The following EOLA1 variants were observed in gnomAD, a reference collection of about 807,000 sequenced individuals.
EOLA1 encodes protein EOLA1.
Under a neutral mutation model 4.5 loss-of-function variants are expected in EOLA1, and 1 was observed. The ratio of observed to expected loss-of-function variants is 0.22; its 90% CI spans 0.08 to 1.05. The LOEUF is 1.05. Ranked by LOEUF, EOLA1 falls within the 50% of genes least tolerant of loss-of-function variation. The pLI, the probability that EOLA1 is intolerant of heterozygous loss-of-function variation, is 0.57. For missense variants in EOLA1, 69 were observed against 127.2 expected (o/e 0.54, Z 2.20); for synonymous variants, 37 against 52.3 (o/e 0.71, Z 1.26).
At chrX:149,546,139 C>T (rs1412181427) in intron 4 of EOLA1, among the ~76,000 whole-genome samples, 1 of 108,851 alleles carries the variant, frequency 9.2e-6, no homozygotes, top group Non-Finnish European at 1.9e-5. Flanking sequence ...GAAGCCTGGT[C>T]AGGGCCATGT....
intron 1 of EOLA1, 163 bp from the exon 2 acceptor site, chrX:149,541,856 G>A: frequency 4.3e-6 from 3 of 693,528 alleles, no homozygotes; most frequent in Non-Finnish European, 5.2e-6. Context: ...GTGATTAGCA[G>A]AACCAAACTG....
At chrX:149,541,929 C>T (rs2089737352) in intron 1 of EOLA1, 90 bp from the exon 2 acceptor site, 3 of 606,175 alleles carry the variant, frequency 4.9e-6, no homozygotes, top group Non-Finnish European at 6.0e-6. Flanking sequence ...TTTCCAATGC[C>T]TGCTAAGTAC....
chrX:149,543,430 G>A (rs2089768132), intron 2 of EOLA1, among the ~76,000 whole-genome samples: 1 of 88,450 alleles, frequency 1.1e-5, no homozygotes, highest in Admixed American at 1.2e-4. Context: ...TAATCTCATT[G>A]TCCCTGTACC....
chrX:149,546,950 G>A lies in EOLA1; in HGVS notation c.465G>A (p.Gly155=), dbSNP rs2089861850. Residue 155 remains glycine (G), a synonymous_variant, in exon 5 of 5, where the codon GGG becomes GGA. Coordinates refer to ENST00000393985, the MANE Select transcript of EOLA1 (RefSeq NM_001171907.3). ...TCCCAGAGCACCTGATCCCTTTGGG[G>A]CATGAAGTGTGACAAGTGTGGGCTC... ...VDIPEHLIPL[G]HEV is the part of the protein sequence containing the mutation. The A allele has an allele frequency of 1.7e-6, 2 of 1,202,535 alleles. No individual in the cohort carries two copies. The highest frequency in any genetic ancestry group is 2.2e-6 in the Non-Finnish European group (2 of 892,032).
chrX:149,542,302 A>G (rs1233909399), intron 2 of EOLA1, among the ~76,000 whole-genome samples: 2 of 111,344 alleles, frequency 1.8e-5, no homozygotes. Context: ...AGCCTCCATC[A>G]GAAGTAATCC....
intron 2 of EOLA1, chrX:149,544,520 A>C (rs610361): frequency 2.4e-4 from 180 of 749,584 alleles, no homozygotes; most frequent in Non-Finnish European, 2.7e-4. Context: ...TGACTGTTCT[A>C]TTAGGTGCCA....
At chrX:149,554,117 T>TCTC (rs2089915315), downstream of EOLA1, among the ~76,000 whole-genome samples, 4 of 53,195 alleles carry the variant, frequency 7.5e-5, no homozygotes, top group Admixed American at 4.9e-4. Flanking sequence ...GAGGGGAGGG[T>TCTC]GCCTTGTTGA....
intron 2 of EOLA1, 68 bp downstream of exon 2, chrX:149,542,153 C>T: frequency 2.4e-6 from 1 of 409,148 alleles, no homozygotes. Context: ...ATTCCACATA[C>T]ACACAGTTGG....
chrX:149,545,427 G>A lies in EOLA1; in HGVS notation c.-103G>A, dbSNP rs2089821779. The A allele has an allele frequency of 9.2e-6, 10 of 1,082,950 alleles. No individual in the cohort carries two copies. The highest frequency in any genetic ancestry group is 4.8e-5 in the South Asian group (2 of 41,601). The allele number at this position is 1,082,950 out of a possible 1,213,427, so 89.2% of individuals were successfully genotyped here. A position where few individuals can be genotyped will look rare whatever the true frequency, so the allele number is the denominator to read the frequency against. On this transcript the variant is annotated 5_prime_UTR_variant, in exon 3 of 5. Coordinates refer to ENST00000393985, the MANE Select transcript of EOLA1 (RefSeq NM_001171907.3). ...TCCATGGGATGGACCTGAGTCAGCC[G>A]AATCCCAGCCCCTTCCCTTGGGCCT... is the stretch of plus-strand genomic sequence containing the variant.
At chrX:149,544,640 G>C (rs1403370420) in intron 2 of EOLA1, 2 of 753,477 alleles carry the variant, frequency 2.7e-6, no homozygotes, top group African/African-American at 2.3e-5. Context: ...TTCGAGCCCA[G>C]GGTTCCTTCC....
At chrX:149,545,146 G>A (rs1181403968) in intron 2 of EOLA1, 3 of 388,234 alleles carry the variant, frequency 7.7e-6, no homozygotes, top group South Asian at 1.2e-4. Context: ...CCTTGGTGGC[G>A]GCAGGGCCAG....
In EOLA1 at chrX:149,547,002, G is replaced by A. The variant is rs1557348068; in HGVS notation, c.*40G>A. 6.6e-6 allele frequency: 8 copies of A among 1,206,701 alleles called. No individual in the cohort carries two copies. The highest frequency in any genetic ancestry group is 7.8e-6 in the Non-Finnish European group (7 of 892,156). On this transcript the variant is annotated 3_prime_UTR_variant, in exon 5 of 5. Coordinates refer to ENST00000393985, the MANE Select transcript of EOLA1 (RefSeq NM_001171907.3). Reference sequence around the variant, plus strand: ...TGAAAGGAATGTTCCAGAGAAACCAGCTAAATCATGACACCTTCAATTTGC... The same window carrying A: ...TGAAAGGAATGTTCCAGAGAAACCAACTAAATCATGACACCTTCAATTTGC...
Position 149,546,788 on chromosome X carries a change from C to T in EOLA1, c.303C>T (p.Pro101=), listed in dbSNP as rs782752836. The part of the protein sequence containing the change: ...ETLQCPEDLT[P]DEVVELENQA... ...TGCAATGCCCCGAAGACTTAACTCC[C>T]GATGAGGTTGTGGAACTAGAAAATC... The change falls in exon 5 of 5, where the codon CCC becomes CCT. Residue 101 remains proline, a synonymous_variant. Transcript: ENST00000393985. The T allele has an allele frequency of 4.1e-5, 49 of 1,207,776 alleles. No homozygotes were observed. The highest frequency in any genetic ancestry group is 5.3e-5 in the Non-Finnish European group (47 of 894,585).
At chrX:149,548,383 G>A, downstream of EOLA1, 2 of 933,599 alleles carry the variant, frequency 2.1e-6, no homozygotes, top group South Asian at 1.2e-4. Flanking sequence ...TGTAATCTGA[G>A]GAGCCTTCCT....
Position 149,544,477 on chromosome X carries a change from A to C in EOLA1, c.-162-891A>C, listed in dbSNP as rs1266741889. 27 of 744,525 alleles carry C rather than the reference A, an allele frequency of 3.6e-5. 1 individual carries two copies. The African/African-American group carries it at 6.2e-4, about 17-fold the overall frequency. 61.4% of individuals were successfully genotyped at this position (744,525 alleles called of 1,213,427 possible). ...GGAGTTCAGGGCCGGGGGCGGGGCC[A>C]CGGGCCTGAGGGGTGAGGGCAGCCA... On this transcript the variant is annotated intron_variant, in intron 2 of 4. Coordinates refer to ENST00000393985, the MANE Select transcript of EOLA1 (RefSeq NM_001171907.3).
downstream of EOLA1, chrX:149,548,339 G>A: frequency 1.1e-6 from 1 of 931,883 alleles, no homozygotes; most frequent in Non-Finnish European, 1.3e-6. Flanking sequence ...TCACGAATTT[G>A]CAGTGTTTCT....
rs1303801238 is a variant in EOLA1 at position 149,543,657 on chromosome X, G to T, written c.-163+1572G>T. On this transcript the variant is annotated intron_variant, in intron 2 of 4. Coordinates refer to ENST00000393985, the MANE Select transcript of EOLA1 (RefSeq NM_001171907.3). ...CCGCAGATGTGGGAAAGAAAGGCAG[G>T]GCAGAGAGCAGCTAGGTCTGGGGCA... Among the ~76,000 whole-genome samples, 28 of 89,399 alleles carry T rather than the reference G, an allele frequency of 3.1e-4. 2 individuals carry two copies. Among genetic ancestry groups the T allele is most frequent in the East Asian group, 1.6e-3 (5 of 3,196 alleles). The allele number at this position is 89,399 out of a possible 115,157, so 77.6% of individuals were successfully genotyped here.
chrX:149,546,173 G>A (rs2124150432), intron 4 of EOLA1, among the ~76,000 whole-genome samples: 1 of 106,207 alleles, frequency 9.4e-6, no homozygotes, highest in Admixed American at 1.0e-4. Context: ...GTGGTGTTTG[G>A]CTGTGTGTAT....
intron 2 of EOLA1, among the ~76,000 whole-genome samples, chrX:149,544,269 G>C (rs1206081857): frequency 1.4e-5 from 1 of 69,075 alleles, no homozygotes; most frequent in Non-Finnish European, 2.7e-5. Context: ...AAAAGCAGGA[G>C]ATCTGGAGCT....
Sources: allele counts gnomAD v4.1 joint callset (sites outside exome capture counted in the v4.1 genomes callset), GRCh38; gene constraint gnomAD v4.1.1; transcripts MANE v1.5; gene names NCBI Gene and HGNC (gene_info 2026-07-23, HGNC 2026-07-21).